The following IL1RAPL2 variants were observed in gnomAD, a reference collection of about 807,000 sequenced individuals.
IL1RAPL2 encodes the protein interleukin 1 receptor accessory protein like 2.
IL1RAPL2 carries 3 observed loss-of-function variants against 44.1 expected under a neutral mutation model. The observed-to-expected ratio is 0.07, with a 90% confidence interval of 0.03 to 0.18. IL1RAPL2 has a LOEUF of 0.18. IL1RAPL2 is among the 10% of genes least tolerant of loss of function. The pLI is 1.00. For missense variants in IL1RAPL2, 391 were observed against 496.4 expected, an observed-to-expected ratio of 0.79 and a Z score of 2.02; for synonymous variants, 181 against 178.8, an observed-to-expected ratio of 1.01 and a Z score of -0.10.
intron 2 of IL1RAPL2, among the ~76,000 whole-genome samples, chrX:104,817,383 G>A (rs995071740): frequency 1.2e-4 from 13 of 112,186 alleles, no homozygotes; most frequent in Admixed American, 9.4e-4. Context: ...TTGAAGAAGG[G>A]TGATTCTAGT....
chrX:104,607,173 AC>A (rs772692890), intron 1 of IL1RAPL2, among the ~76,000 whole-genome samples: 1 of 112,255 alleles, frequency 8.9e-6, no homozygotes, highest in East Asian at 2.8e-4. Context: ...TGTTGGGAAA[AC>A]TGGCTAGCCA....
Position 104,676,250 on chromosome X carries a change from T to C in IL1RAPL2, c.82+17255T>C, listed in dbSNP as rs1470584410. On this transcript the variant is annotated intron_variant, in intron 2 of 10. Coordinates refer to ENST00000372582, the MANE Select transcript of IL1RAPL2 (RefSeq NM_017416.2). ...CAGTGGCTGGTACCAGTTGTTCCTT[T>C]CCATGTTTAGTGCTTCCTTCAGGAG... 6.3e-5 allele frequency among the ~76,000 whole-genome samples: 7 copies of C among 111,770 alleles called. No homozygotes were observed. The Admixed American group carries it at 6.6e-4, about 11-fold the overall frequency.
At chrX:105,539,698 C>T (rs191618030) in intron 6 of IL1RAPL2, among the ~76,000 whole-genome samples, 34 of 111,636 alleles carry the variant, frequency 3.0e-4, no homozygotes, top group African/African-American at 1.1e-3. Flanking sequence ...CTAAAGAGCT[C>T]TGCACAGCAA....
rs1288724567 is a variant in IL1RAPL2 at position 104,602,089 on chromosome X, T to C, written c.-20+35038T>C. On this transcript the variant is annotated intron_variant, in intron 1 of 10. Transcript: ENST00000372582. ...CTCCGGTCTGCAGCTCCCAGTGAGA[T>C]TGACACAGAGACGGGTGATTTCTGC... is the stretch of plus-strand genomic sequence containing the variant. 2.7e-5 allele frequency among the ~76,000 whole-genome samples: 3 copies of C among 111,677 alleles called. No individual in the cohort carries two copies. The Admixed American group carries it at 2.8e-4, about 11-fold the overall frequency.
rs530298182 is a variant in IL1RAPL2, at chrX:105,757,115, A to T, written c.1363+1768A>T. 3.0e-4 allele frequency among the ~76,000 whole-genome samples: 33 copies of T among 111,699 alleles called. No homozygotes were observed. In the South Asian group the frequency reaches 0.012, roughly 42 times the overall value. On this transcript the variant is annotated intron_variant, in intron 10 of 10. Transcript: ENST00000372582. ...TACAATCTTTTGCCAGCCCAGATTTATCTCCTAAATTTGTCTCCTACCACT... is the reference window on the plus strand; with the variant it reads ...TACAATCTTTTGCCAGCCCAGATTTTTCTCCTAAATTTGTCTCCTACCACT...
chrX:104,787,803 A>G, intron 2 of IL1RAPL2, among the ~76,000 whole-genome samples: 1 of 111,641 alleles, frequency 9.0e-6, no homozygotes, highest in East Asian at 2.8e-4. Flanking sequence ...CTGATTCAGG[A>G]GCTCTGAATA....
At chrX:104,581,719 A>G (rs933366962) in intron 1 of IL1RAPL2, among the ~76,000 whole-genome samples, 3 of 111,209 alleles carry the variant, frequency 2.7e-5, no homozygotes, top group Admixed American at 1.9e-4. Flanking sequence ...TAAGAACCCG[A>G]TAGGCTTCAT....
chrX:104,826,103 A>G (rs746825838), intron 2 of IL1RAPL2, among the ~76,000 whole-genome samples: 4 of 112,065 alleles, frequency 3.6e-5, no homozygotes, highest in African/African-American at 1.3e-4. Flanking sequence ...TTCTGAGGAT[A>G]CTATTTAGAA....
At chrX:105,644,786 G>A (rs1030677472) in intron 6 of IL1RAPL2, among the ~76,000 whole-genome samples, 1 of 109,858 alleles carries the variant, frequency 9.1e-6, no homozygotes, top group African/African-American at 3.3e-5. Context: ...ACAGGCCTCG[G>A]TGTGTGATGT....
At chrX:104,640,632 T>C (rs1929914915) in intron 1 of IL1RAPL2, among the ~76,000 whole-genome samples, 1 of 112,317 alleles carries the variant, frequency 8.9e-6, no homozygotes, top group African/African-American at 3.2e-5. Flanking sequence ...CAATTCTTTT[T>C]GAATTTGCTT....
rs762459671 is a variant in IL1RAPL2 at position 105,250,255 on chromosome X, G to A, written c.543+16251G>A. 1.8e-3 allele frequency among the ~76,000 whole-genome samples: 204 copies of A among 110,685 alleles called. 1 individual carries two copies. The highest frequency in any genetic ancestry group is 6.3e-3 in the African/African-American group (192 of 30,593). On this transcript the variant is annotated intron_variant, in intron 4 of 10. Coordinates refer to ENST00000372582, the MANE Select transcript of IL1RAPL2 (RefSeq NM_017416.2). ...ATGGATCACAGAATATTTTTAGGGTGGGAAACAATTTTTAGGATGGCAAAC... is the reference window on the plus strand; with the variant it reads ...ATGGATCACAGAATATTTTTAGGGTAGGAAACAATTTTTAGGATGGCAAAC...
chrX:105,071,790 C>G (rs948853893), intron 2 of IL1RAPL2, among the ~76,000 whole-genome samples: 1 of 111,811 alleles, frequency 8.9e-6, no homozygotes, highest in Non-Finnish European at 1.9e-5. Flanking sequence ...CTCTTCCATA[C>G]GTGGTGTTAG....
At chrX:104,767,586 G>A (rs754375593) in intron 2 of IL1RAPL2, among the ~76,000 whole-genome samples, 5 of 111,778 alleles carry the variant, frequency 4.5e-5, no homozygotes, top group African/African-American at 1.6e-4. Flanking sequence ...TAGCTAAGCT[G>A]AATGCACTTG....
At chrX:104,594,114 A>G (rs1238650145) in intron 1 of IL1RAPL2, among the ~76,000 whole-genome samples, 1 of 112,302 alleles carries the variant, frequency 8.9e-6, no homozygotes, top group Non-Finnish European at 1.9e-5. Flanking sequence ...CCAGAGGGAT[A>G]CAACAGTGAA....
intron 5 of IL1RAPL2, among the ~76,000 whole-genome samples, chrX:105,408,812 G>A (rs781718562): frequency 1.6e-3 from 177 of 109,818 alleles, no homozygotes; most frequent in African/African-American, 5.5e-3. Flanking sequence ...ATCTAAACAT[G>A]GTGTGCTTAG....
intron 5 of IL1RAPL2, among the ~76,000 whole-genome samples, chrX:105,345,624 A>G (rs2035105167): frequency 9.0e-6 from 1 of 111,480 alleles, no homozygotes; most frequent in Non-Finnish European, 1.9e-5. Flanking sequence ...TTATTTCCCA[A>G]TTAAACTTTT....
intron 6 of IL1RAPL2, among the ~76,000 whole-genome samples, chrX:105,560,544 G>A (rs1308068720): frequency 9.0e-6 from 1 of 110,766 alleles, no homozygotes; most frequent in African/African-American, 3.3e-5. Flanking sequence ...TCAGACTCCT[G>A]AGTAGCTGGG....
At chrX:104,781,744 G>T (rs1442105170) in intron 2 of IL1RAPL2, among the ~76,000 whole-genome samples, 1 of 112,267 alleles carries the variant, frequency 8.9e-6, no homozygotes, top group Non-Finnish European at 1.9e-5. Context: ...TAGTCACATA[G>T]TCACACCTAG....
At chrX:104,718,480 G>T (rs1317644917) in intron 2 of IL1RAPL2, among the ~76,000 whole-genome samples, 1 of 110,701 alleles carries the variant, frequency 9.0e-6, no homozygotes, top group Non-Finnish European at 1.9e-5. Context: ...CATGAGGATG[G>T]ATTTCCCCCC....
Sources: gnomAD v4.1 joint callset for allele counts (sites outside exome capture counted in the v4.1 genomes callset) on GRCh38, gnomAD v4.1.1 for gene constraint, MANE v1.5 for transcripts, NCBI Gene and HGNC (gene_info 2026-07-23, HGNC 2026-07-21) for gene names.